Variants in KCNK2 observed in about 807,000 individuals in gnomAD.
KCNK2 encodes the protein potassium channel subfamily K member 2.
A neutral mutation model predicts 40.5 loss-of-function variants in KCNK2; 21 were observed. That is an observed-to-expected ratio of 0.52 (90% CI 0.37 to 0.75). KCNK2 has a LOEUF of 0.75. Among genes scored for constraint, KCNK2 ranks in the 30% least tolerant of loss-of-function variants. The probability of loss-of-function intolerance (pLI) is 0.00; values close to 1 mark genes in which losing one functional copy is unlikely to be tolerated. For synonymous variants in KCNK2, 191 were observed against 202.2 expected (o/e 0.94, Z 0.47); for missense variants, 399 against 531.6 (o/e 0.75, Z 2.45).
chr1:215,099,972 G>C (rs1351511528), intron 2 of KCNK2, among the ~76,000 whole-genome samples: 1 of 151,992 alleles, frequency 6.6e-6, no homozygotes, highest in Non-Finnish European at 1.5e-5. Context: ...TGATTTCAGT[G>C]ACAGATACAA....
At chr1:215,209,428 T>TATTATATATATAAAATAC in intron 6 of KCNK2, among the ~76,000 whole-genome samples, 4 of 46,928 alleles carry the variant, frequency 8.5e-5, no homozygotes, top group African/African-American at 3.7e-4. Flanking sequence ...ATATAATATA[T>TATTATATATATAAAATAC]ATAATATAAA....
At chr1:215,150,268 CA>C (rs1005179764) in intron 3 of KCNK2, among the ~76,000 whole-genome samples, 1 of 152,134 alleles carries the variant, frequency 6.6e-6, no homozygotes, top group African/African-American at 2.4e-5. Flanking sequence ...GTAACATAAT[CA>C]GAGGGGACCA....
Position 215,235,165 on chromosome 1 carries a change from T to C in KCNK2, c.*20T>C, listed in dbSNP as rs376493236. On this transcript the variant is annotated 3_prime_UTR_variant, in exon 7 of 7. Transcript: ENST00000444842. ...AAATAGCCCTCTCTTTAAATAACCT[T>C]AGGCATAGCCATAGGTGAGGACTTC... The C allele has an allele frequency of 3.2e-6, 5 of 1,572,576 alleles. No individual in the cohort carries two copies. Among genetic ancestry groups the C allele is most frequent in the Non-Finnish European group, 4.3e-6 (5 of 1,149,990 alleles).
intron 3 of KCNK2, among the ~76,000 whole-genome samples, chr1:215,168,757 G>T (rs1232758502): frequency 6.6e-6 from 1 of 151,976 alleles, no homozygotes; most frequent in Non-Finnish European, 1.5e-5. Context: ...TGTATGCAGG[G>T]CTTAAAACCT....
intron 5 of KCNK2, among the ~76,000 whole-genome samples, chr1:215,181,636 A>T (rs1664219885): frequency 6.6e-6 from 1 of 151,820 alleles, no homozygotes; most frequent in South Asian, 2.1e-4. Flanking sequence ...GGGTATTTTG[A>T]CTTTGCTGCT....
chr1:215,187,957 A>G (rs1664517466), intron 5 of KCNK2, among the ~76,000 whole-genome samples: 1 of 152,162 alleles, frequency 6.6e-6, no homozygotes, highest in Non-Finnish European at 1.5e-5. Flanking sequence ...AAACCAGAGA[A>G]GAATTTATAG....
chr1:215,015,667 C>A (rs1656560865), intron 1 of KCNK2, among the ~76,000 whole-genome samples: 1 of 152,092 alleles, frequency 6.6e-6, no homozygotes, highest in African/African-American at 2.4e-5. Context: ...ACCTTTGACT[C>A]CCTCTCAGTT....
At chr1:215,229,184 C>A (rs1666516686) in intron 6 of KCNK2, among the ~76,000 whole-genome samples, 1 of 147,924 alleles carries the variant, frequency 6.8e-6, no homozygotes, top group Non-Finnish European at 1.5e-5. Flanking sequence ...CTGCTATAAT[C>A]TTATAAGGTC....
At chr1:215,156,626 T>C (rs1304404130) in intron 3 of KCNK2, among the ~76,000 whole-genome samples, 1 of 152,156 alleles carries the variant, frequency 6.6e-6, no homozygotes, top group Non-Finnish European at 1.5e-5. Context: ...TACCTGAGAC[T>C]GGGTAATTTA....
chr1:215,095,336 C>G (rs1037720718), intron 2 of KCNK2, among the ~76,000 whole-genome samples: 3 of 152,178 alleles, frequency 2.0e-5, no homozygotes, highest in East Asian at 3.9e-4. Flanking sequence ...TACAGGAATG[C>G]GTGCAACACA....
intron 1 of KCNK2, among the ~76,000 whole-genome samples, chr1:215,068,470 T>C (rs1013786712): frequency 1.3e-5 from 2 of 152,192 alleles, no homozygotes; most frequent in Non-Finnish European, 1.5e-5. Flanking sequence ...TGGCTCTCAA[T>C]AGAAAACACT....
intron 1 of KCNK2, among the ~76,000 whole-genome samples, chr1:215,024,418 T>C (rs1048593981): frequency 6.6e-6 from 1 of 152,220 alleles, no homozygotes; most frequent in Non-Finnish European, 1.5e-5. Context: ...CAGTGAATAA[T>C]ATGTTTCTAA....
chr1:215,213,504 G>A lies in KCNK2; in HGVS notation c.963+18412G>A, dbSNP rs188965164. Among the ~76,000 whole-genome samples, 24 of 152,204 alleles carry A rather than the reference G, an allele frequency of 1.6e-4. No individual in the cohort carries two copies. The East Asian group carries it at 2.7e-3, about 17-fold the overall frequency. On this transcript the variant is annotated intron_variant, in intron 6 of 6. Transcript: ENST00000444842. ...CGCATGCCTGTAATCCCAGCTACTC[G>A]GGAGACTGAGACAGGAGAATCGCTT...
chr1:215,019,153 T>G lies in KCNK2; in HGVS notation c.34+13198T>G, dbSNP rs115063440. Among the ~76,000 whole-genome samples the G allele has an allele frequency of 3.8e-3, 586 of 152,322 alleles. 4 individuals carry two copies. Among genetic ancestry groups the G allele is most frequent in the African/African-American group, 0.014 (564 of 41,558 alleles). On this transcript the variant is annotated intron_variant, in intron 1 of 6. Coordinates refer to the KCNK2 transcript ENST00000391895. ...ACAGAAGGTAGATTCTATGTAATGT[T>G]TATACTTATAATAAAAAATTGGTAG...
intron 1 of KCNK2, among the ~76,000 whole-genome samples, chr1:215,054,842 A>C (rs770686077): frequency 1.3e-5 from 2 of 152,086 alleles, no homozygotes; most frequent in Non-Finnish European, 2.9e-5. Context: ...ATTGTTTTTC[A>C]TTTTTTCTAA....
intron 1 of KCNK2, among the ~76,000 whole-genome samples, chr1:215,018,999 A>ACAC (rs541182638): frequency 2.9e-4 from 6 of 20,594 alleles, no homozygotes; most frequent in Non-Finnish European, 5.8e-4. Flanking sequence ...ACACACACAC[A>ACAC]AAAAAAAAAC....
intron 5 of KCNK2, among the ~76,000 whole-genome samples, chr1:215,179,813 C>T (rs1458725274): frequency 1.3e-5 from 2 of 151,980 alleles, no homozygotes; most frequent in Admixed American, 1.3e-4. Flanking sequence ...GTTCCATGTG[C>T]AGATGAGAAA....
At chr1:215,217,068 C>G (rs1488107074) in intron 6 of KCNK2, among the ~76,000 whole-genome samples, 1 of 152,142 alleles carries the variant, frequency 6.6e-6, no homozygotes, top group Non-Finnish European at 1.5e-5. Flanking sequence ...TGTATCAATA[C>G]ACATTACTTA....
intron 3 of KCNK2, among the ~76,000 whole-genome samples, chr1:215,142,120 A>G (rs895273864): frequency 1.3e-5 from 2 of 152,050 alleles, no homozygotes; most frequent in Non-Finnish European, 2.9e-5. Context: ...TACAGATTTT[A>G]ATTTTGCAAT....
Sources: allele counts gnomAD v4.1 joint callset (sites outside exome capture counted in the v4.1 genomes callset), GRCh38; gene constraint gnomAD v4.1.1; transcripts MANE v1.5; gene names NCBI Gene and HGNC (gene_info 2026-07-23, HGNC 2026-07-21).